AK8: variants seen among roughly 807,000 people sequenced by gnomAD.
AK8 encodes adenylate kinase 8.
A neutral mutation model predicts 54.6 loss-of-function variants in AK8; 44 were observed. The ratio of observed to expected loss-of-function variants is 0.81; its 90% CI spans 0.63 to 1.04. AK8 has a LOEUF of 1.04. Ranked by LOEUF, AK8 falls within the 50% of genes least tolerant of loss-of-function variation. AK8 has a pLI of 0.00. For synonymous variants in AK8, 239 were observed against 245.6 expected (o/e 0.97, Z 0.25); for missense variants, 555 against 613.6 (o/e 0.90, Z 1.01).
At chr9:132,823,843 G>C (rs1217037114) in intron 8 of AK8, among the ~76,000 whole-genome samples, 1 of 152,260 alleles carries the variant, frequency 6.6e-6, no homozygotes, top group Non-Finnish European at 1.5e-5. Context: ...CAGCCACATG[G>C]GGGCCCAGTG....
intron 5 of AK8, among the ~76,000 whole-genome samples, chr9:132,841,491 T>C (rs1311583262): frequency 6.6e-6 from 1 of 152,220 alleles, no homozygotes; most frequent in African/African-American, 2.4e-5. Context: ...CAGTCTGTGA[T>C]ATTCCAAATG....
chr9:132,853,969 C>T (rs1843071807), intron 5 of AK8, among the ~76,000 whole-genome samples: 1 of 151,664 alleles, frequency 6.6e-6, no homozygotes, highest in African/African-American at 2.4e-5. Flanking sequence ...ATTCTAAATT[C>T]AGAAAAAAAT....
chr9:132,865,510 C>T (rs947877481), intron 3 of AK8, among the ~76,000 whole-genome samples: 6 of 152,194 alleles, frequency 3.9e-5, no homozygotes, highest in African/African-American at 1.4e-4. Context: ...GAAATTTTAA[C>T]ACATTTTTGG....
At chr9:132,741,461 G>A (rs1170285643) in intron 11 of AK8, among the ~76,000 whole-genome samples, 1 of 152,100 alleles carries the variant, frequency 6.6e-6, no homozygotes, top group East Asian at 1.9e-4. Flanking sequence ...AAGATCCATT[G>A]GTCAGCAACA....
intron 11 of AK8, among the ~76,000 whole-genome samples, chr9:132,739,637 T>C (rs1310551803): frequency 6.6e-6 from 1 of 151,992 alleles, no homozygotes; most frequent in East Asian, 1.9e-4. Flanking sequence ...CTCATGCCTA[T>C]AATCCCAGCT....
At chr9:132,820,170 GGGAAGGAA>G (rs1210293622) in intron 9 of AK8, among the ~76,000 whole-genome samples, 5 of 138,410 alleles carry the variant, frequency 3.6e-5, no homozygotes, top group South Asian at 2.3e-4. Flanking sequence ...AAAAGACAAA[GGGAAGGAA>G]GGAAGGAAGG....
intron 11 of AK8, among the ~76,000 whole-genome samples, chr9:132,748,579 G>C (rs144597769): frequency 6.6e-6 from 1 of 152,050 alleles, no homozygotes; most frequent in Non-Finnish European, 1.5e-5. Flanking sequence ...CTAGATGCTA[G>C]TTGCTGGCTG....
At chr9:132,777,847 C>T (rs1839289144) in intron 11 of AK8, among the ~76,000 whole-genome samples, 1 of 152,228 alleles carries the variant, frequency 6.6e-6, no homozygotes, top group Non-Finnish European at 1.5e-5. Context: ...AAAGGCAAGG[C>T]TGTGGGTCCC....
At chr9:132,863,012 A>G (rs141727862) in intron 4 of AK8, among the ~76,000 whole-genome samples, 12 of 152,384 alleles carry the variant, frequency 7.9e-5, no homozygotes, top group African/African-American at 2.6e-4. Flanking sequence ...TTCTATTTGT[A>G]TTAAAGAGAA....
At chr9:132,866,603 A>G (rs1332145600) in intron 3 of AK8, among the ~76,000 whole-genome samples, 5 of 152,174 alleles carry the variant, frequency 3.3e-5, no homozygotes, top group African/African-American at 1.2e-4. Context: ...ACGTACCCTA[A>G]GGATATAGCG....
At chr9:132,868,586 C>T (rs531463443) in intron 2 of AK8, among the ~76,000 whole-genome samples, 2 of 152,192 alleles carry the variant, frequency 1.3e-5, no homozygotes, top group Non-Finnish European at 1.5e-5. Flanking sequence ...TGGGCTGCCA[C>T]AGTCTTCCAC....
chr9:132,749,735 C>T (rs1478887256), intron 11 of AK8, among the ~76,000 whole-genome samples: 11 of 150,446 alleles, frequency 7.3e-5, no homozygotes, highest in East Asian at 2.0e-4. Flanking sequence ...ATTTGTTCAT[C>T]GATAATTTTT....
chr9:132,761,269 CTT>C (rs534596980), intron 11 of AK8, among the ~76,000 whole-genome samples: 17 of 125,560 alleles, frequency 1.4e-4, no homozygotes, highest in Admixed American at 1.6e-4. Flanking sequence ...CTTTTCTTTT[CTT>C]TTTTTTTTTT....
Position 132,842,322 on chromosome 9 carries a change from C to CTGGT in AK8, c.402+12531_402+12534dup, listed in dbSNP as rs1282602687. Reference sequence around the variant, plus strand: ...ATGGCATTGATTGATTCATTATTGACTGGTTCATTCATTCATTCATTCATT... The same window carrying CTGGT: ...ATGGCATTGATTGATTCATTATTGACTGGTTGGTTCATTCATTCATTCATTCATT... On this transcript the variant is annotated intron_variant, in intron 5 of 12. Coordinates refer to ENST00000298545, the MANE Select transcript of AK8 (RefSeq NM_152572.3). Among the ~76,000 whole-genome samples the CTGGT allele has an allele frequency of 3.3e-5, 5 of 150,908 alleles. No individual in the cohort carries two copies. The East Asian group carries it at 9.6e-4, about 29-fold the overall frequency.
Position 132,792,658 on chromosome 9 carries a change from T to G in AK8, c.1097A>C (p.Asn366Thr), listed in dbSNP as rs1227794266. ...CCTGTTGGGATTGTAGCCCAGGCGGTTCAGCAGGTGTGCCTGGTCGAGGTC... is the reference window on the plus strand; with the variant it reads ...CCTGTTGGGATTGTAGCCCAGGCGGGTCAGCAGGTGTGCCTGGTCGAGGTC... ...PRDLDQAHLL[N>T]RLGYNPNRVF... Residue 366 changes from asparagine to threonine, a missense_variant, in exon 11 of 13, where the codon AAC (asparagine) becomes ACC (threonine). Transcript: ENST00000298545. The G allele has an allele frequency of 1.3e-6, 2 of 1,554,282 alleles. No homozygotes were observed. The highest frequency in any genetic ancestry group is 2.7e-5 in the African/African-American group (2 of 73,422).
At chr9:132,851,889 A>G (rs575137827) in intron 5 of AK8, among the ~76,000 whole-genome samples, 106 of 152,362 alleles carry the variant, frequency 7.0e-4, no homozygotes, top group Non-Finnish European at 1.2e-3. Context: ...TACTTAGCGC[A>G]GGGAGAACCA....
chr9:132,762,733 G>A (rs1564388682), intron 11 of AK8, among the ~76,000 whole-genome samples: 2 of 152,084 alleles, frequency 1.3e-5, no homozygotes, highest in Admixed American at 1.3e-4. Context: ...GAGAAACCCT[G>A]TCTCTACTAA....
At chr9:132,786,309 T>A (rs565269550) in intron 11 of AK8, among the ~76,000 whole-genome samples, 58 of 152,328 alleles carry the variant, frequency 3.8e-4, no homozygotes, top group African/African-American at 1.4e-3. Flanking sequence ...AAACATTTAT[T>A]CTCTAGAGAG....
chr9:132,856,933 A>T (rs766188715), intron 4 of AK8, among the ~76,000 whole-genome samples: 1 of 152,142 alleles, frequency 6.6e-6, no homozygotes, highest in Non-Finnish European at 1.5e-5. Flanking sequence ...GAATATGTTC[A>T]CTTTAAAGTT....
Sources: allele counts gnomAD v4.1 joint callset (sites outside exome capture counted in the v4.1 genomes callset), GRCh38; gene constraint gnomAD v4.1.1; transcripts MANE v1.5; gene names NCBI Gene and HGNC (gene_info 2026-07-23, HGNC 2026-07-21).